The following CFAP47 variants were observed in gnomAD, a reference collection of about 807,000 sequenced individuals.
CFAP47 encodes cilia- and flagella-associated protein 47.
In CFAP47, 29 loss-of-function variants were observed where a neutral mutation model predicts 148.1. The ratio of observed to expected loss-of-function variants is 0.20; its 90% CI spans 0.15 to 0.27. CFAP47 has a LOEUF of 0.27. Ranked by LOEUF, CFAP47 falls within the 10% of genes least tolerant of loss-of-function variation. The probability of loss-of-function intolerance (pLI) is 1.00; values close to 1 mark genes in which losing one functional copy is unlikely to be tolerated. For missense variants in CFAP47, 1,872 were observed against 1,697.5 expected (o/e 1.10, Z -1.81); for synonymous variants, 664 against 577.3 (o/e 1.15, Z -2.15).
chrX:35,955,792 T>C (rs1936236322), intron 7 of CFAP47, among the ~76,000 whole-genome samples, 169 bp from the exon 8 acceptor site: 1 of 112,885 alleles, frequency 8.9e-6, no homozygotes. Flanking sequence ...TTCACTGCTG[T>C]ATCCGCAAGG....
At chrX:36,373,017 C>G (rs902099528) in intron 62 of CFAP47, among the ~76,000 whole-genome samples, 1 of 111,349 alleles carries the variant, frequency 9.0e-6, no homozygotes, top group Non-Finnish European at 1.9e-5. Flanking sequence ...CAGCTTTTCT[C>G]TTTTTGCTCA....
intron 48 of CFAP47, among the ~76,000 whole-genome samples, chrX:36,241,787 T>G (rs1469255733): frequency 8.9e-6 from 1 of 111,823 alleles, no homozygotes; most frequent in Non-Finnish European, 1.9e-5. Context: ...GCAAGGCCAG[T>G]CTAGAAACAG....
intron 22 of CFAP47, among the ~76,000 whole-genome samples, chrX:36,018,052 T>C (rs1210304541): frequency 1.8e-5 from 2 of 111,482 alleles, no homozygotes; most frequent in East Asian, 2.8e-4. Flanking sequence ...CATTAATGTT[T>C]CATAATTTTC....
intron 21 of CFAP47, among the ~76,000 whole-genome samples, chrX:36,003,283 C>G (rs930056288): frequency 1.8e-5 from 2 of 109,221 alleles, no homozygotes; most frequent in African/African-American, 6.6e-5. Context: ...ATAAATCTCA[C>G]TAGATCATAA....
chrX:35,947,234 G>A (rs1419507104), intron 3 of CFAP47, among the ~76,000 whole-genome samples: 2 of 110,341 alleles, frequency 1.8e-5, no homozygotes, highest in African/African-American at 6.6e-5. Flanking sequence ...AATTGGTCAT[G>A]TGGTTATGTG....
chrX:36,215,701 C>A (rs1940152011), intron 45 of CFAP47, among the ~76,000 whole-genome samples: 1 of 111,596 alleles, frequency 9.0e-6, no homozygotes, highest in Admixed American at 9.5e-5. Context: ...TAGTCACAAA[C>A]CTTTTGGAAG....
chrX:36,216,106 C>A (rs1940156938), intron 45 of CFAP47, among the ~76,000 whole-genome samples: 1 of 111,796 alleles, frequency 8.9e-6, no homozygotes, highest in Admixed American at 9.4e-5. Context: ...GTCAGACACT[C>A]AGCAGGACTG....
chrX:36,344,257 G>GAA (rs373568132), intron 57 of CFAP47, among the ~76,000 whole-genome samples: 3,938 of 61,569 alleles, frequency 0.064, 271 homozygotes, highest in African/African-American at 0.18. Context: ...AAGAGAGAAA[G>GAA]AAAAAAAAAA....
At chrX:36,035,546 T>C (rs1277193598) in intron 23 of CFAP47, 149 bp from the exon 24 acceptor site, 10 of 266,294 alleles carry the variant, frequency 3.8e-5, no homozygotes, top group Non-Finnish European at 6.6e-5. Context: ...AACCCCTTTG[T>C]TTGTCTAATA....
intron 45 of CFAP47, among the ~76,000 whole-genome samples, chrX:36,224,573 G>T (rs1447862762): frequency 4.5e-5 from 5 of 111,686 alleles, no homozygotes; most frequent in African/African-American, 1.6e-4. Flanking sequence ...ATATTTGATA[G>T]CTTCTTTTAC....
At chrX:35,978,556 A>T (rs1936599918) in intron 15 of CFAP47, among the ~76,000 whole-genome samples, 2 of 112,041 alleles carry the variant, frequency 1.8e-5, no homozygotes, top group Non-Finnish European at 3.8e-5. Flanking sequence ...TTCAAGTAAA[A>T]TTTTTGTGTA....
At chrX:36,243,928 C>G (rs1169836467) in intron 48 of CFAP47, among the ~76,000 whole-genome samples, 1 of 109,534 alleles carries the variant, frequency 9.1e-6, no homozygotes, top group Non-Finnish European at 1.9e-5. Flanking sequence ...ACAGAAAATA[C>G]TTTCTTTTCA....
intron 27 of CFAP47, 126 bp downstream of exon 27, chrX:36,065,869 C>A: frequency 2.4e-6 from 1 of 416,097 alleles, no homozygotes; most frequent in Non-Finnish European, 4.2e-6. Flanking sequence ...AGAAGCTGTG[C>A]TTGTCATTGA....
In CFAP47 at chrX:36,384,962, G is replaced by T. The variant is rs1556024911; in HGVS notation, c.9520G>T (p.Val3174Leu). ...RENTKLIRTG[V>L]SSTIKGAPLV... is the part of the protein sequence containing the mutation. The stretch of plus-strand genomic sequence containing the variant: ...AAATACTAAACTCATAAGAACAGGG[G>T]TGTCTTCCACCATCAAGGGTGCTCC... Residue 3174 changes from valine to leucine, a missense_variant, in exon 64 of 64, where the codon GTG (valine) becomes TTG (leucine). Val to Leu is a conservative substitution (Grantham distance 32, BLOSUM62 1). Transcript: ENST00000378653. 2.6e-6 allele frequency: 3 copies of T among 1,166,770 alleles called. No individual in the cohort carries two copies. Among genetic ancestry groups the T allele is most frequent in the African/African-American group, 1.8e-5 (1 of 56,307 alleles).
At position 36,331,459 on chromosome X, in the gene CFAP47, A is replaced by G. The variant is rs781835295; in HGVS notation, c.8443+12152A>G. ...TTCCTAATTTATATTTCCAACTATAAATTCTCTCCTGAGTTATAATAGCAC... is the reference window on the plus strand; with the variant it reads ...TTCCTAATTTATATTTCCAACTATAGATTCTCTCCTGAGTTATAATAGCAC... On this transcript the variant is annotated intron_variant, in intron 57 of 63. Coordinates refer to ENST00000378653, the MANE Select transcript of CFAP47 (RefSeq NM_001304548.2). Among the ~76,000 whole-genome samples, 34 of 110,938 alleles carry G rather than the reference A, an allele frequency of 3.1e-4. No individual in the cohort carries two copies. The South Asian group carries it at 4.2e-3, about 14-fold the overall frequency.
chrX:36,343,892 G>A (rs782245989), intron 57 of CFAP47, among the ~76,000 whole-genome samples: 2 of 109,681 alleles, frequency 1.8e-5, no homozygotes, highest in African/African-American at 3.3e-5. Flanking sequence ...TTGTTCTTGC[G>A]ATAGTTTACT....
At chrX:36,373,556 G>A (rs1483826297) in intron 62 of CFAP47, among the ~76,000 whole-genome samples, 1 of 111,096 alleles carries the variant, frequency 9.0e-6, no homozygotes, top group Non-Finnish European at 1.9e-5. Flanking sequence ...TCTGATTTGG[G>A]TGCCTTTTAT....
intron 57 of CFAP47, among the ~76,000 whole-genome samples, chrX:36,336,704 T>C (rs1327126713): frequency 8.9e-6 from 1 of 112,080 alleles, no homozygotes; most frequent in African/African-American, 3.2e-5. Flanking sequence ...CCTTAGGAGA[T>C]ATAATTGCTG....
chrX:36,033,276 T>A (rs1937301665), intron 23 of CFAP47, among the ~76,000 whole-genome samples: 1 of 111,857 alleles, frequency 8.9e-6, no homozygotes, highest in African/African-American at 3.2e-5. Context: ...AAGCAGAACT[T>A]TTGATGAAGA....
Sources: allele counts gnomAD v4.1 joint callset (sites outside exome capture counted in the v4.1 genomes callset), GRCh38; gene constraint gnomAD v4.1.1; transcripts MANE v1.5; gene names NCBI Gene and HGNC (gene_info 2026-07-23, HGNC 2026-07-21).